Variants in SLCO1B3 observed in about 807,000 individuals in gnomAD.
The protein encoded by SLCO1B3 is liver-specific organic anion transporter 2.
A neutral mutation model predicts 71.8 loss-of-function variants in SLCO1B3; 72 were observed. The observed-to-expected ratio is 1.00, with a 90% CI of 0.83 to 1.22. SLCO1B3 has a LOEUF of 1.22. Among genes scored for constraint, SLCO1B3 ranks in the 50% most tolerant of loss-of-function variants. SLCO1B3 has a pLI of 0.00. For missense variants in SLCO1B3, 911 were observed against 819.7 expected, an observed-to-expected ratio of 1.11 and a Z score of -1.36; for synonymous variants, 298 against 278.4, an observed-to-expected ratio of 1.07 and a Z score of -0.70.
chr12:20,847,747 A>G (rs1050463950), intron 3 of SLCO1B3, among the ~76,000 whole-genome samples: 4 of 152,000 alleles, frequency 2.6e-5, no homozygotes. Flanking sequence ...AGGACCTGTC[A>G]TATACCATCA....
intron 8 of SLCO1B3, among the ~76,000 whole-genome samples, 171 bp downstream of exon 8, chr12:20,863,025 AT>A (rs1260696492): frequency 1.3e-5 from 2 of 152,218 alleles, no homozygotes; most frequent in Non-Finnish European, 2.9e-5. Context: ...TTTAGCTCCT[AT>A]TTATACTTTG....
chr12:20,829,374 C>T (rs964621792), intron 3 of SLCO1B3, among the ~76,000 whole-genome samples: 32 of 152,206 alleles, frequency 2.1e-4, no homozygotes, highest in African/African-American at 6.8e-4. Flanking sequence ...ACCTTCCCTG[C>T]GGGAAGTGGG....
intron 15 of SLCO1B3, among the ~76,000 whole-genome samples, chr12:20,910,616 G>C (rs1344675570): frequency 6.6e-6 from 1 of 151,982 alleles, no homozygotes; most frequent in African/African-American, 2.4e-5. Context: ...ATATTTTAGT[G>C]CTTCTTTGAT....
Position 20,855,063 on chromosome 12 carries a change from T to TA in SLCO1B3, c.123dup (p.Ala42SerfsTer19). 6.2e-7 allele frequency: 1 copy of TA among 1,612,274 alleles called. No homozygotes were observed. The highest frequency in any genetic ancestry group is 8.5e-7 in the Non-Finnish European group (1 of 1,179,668). On this transcript the variant is annotated frameshift_variant, in exon 4 of 16. Transcript: ENST00000381545. LOFTEE classifies it high-confidence loss of function. The stretch of plus-strand genomic sequence containing the variant: ...CAGCCCTGTCATTCAGCTATATTGC[T>TA]AAAGCACTAGGTGGAATCATTATGA...
Position 20,913,955 on chromosome 12 carries a change from T to C in SLCO1B3, c.1866-2049T>C, listed in dbSNP as rs138495670. ...TTTGTTTGTTTGTTTGTTTTAGAGATGGGCAACTCTGTTGCCCAGTCTGGT... is the reference window on the plus strand; with the variant it reads ...TTTGTTTGTTTGTTTGTTTTAGAGACGGGCAACTCTGTTGCCCAGTCTGGT... On this transcript the variant is annotated intron_variant, in intron 15 of 15. Transcript: ENST00000381545. 1.8e-4 allele frequency among the ~76,000 whole-genome samples: 27 copies of C among 152,216 alleles called. No homozygotes were observed. In the East Asian group the frequency reaches 5.2e-3, roughly 29 times the overall value.
intron 15 of SLCO1B3, among the ~76,000 whole-genome samples, chr12:20,905,775 A>G (rs532900313): frequency 5.3e-5 from 8 of 152,312 alleles, no homozygotes; most frequent in South Asian, 4.1e-4. Context: ...GGAAGTTTCA[A>G]TCTTTCCCAC....
At chr12:20,896,237 T>C (rs566996299) in intron 13 of SLCO1B3, among the ~76,000 whole-genome samples, 4 of 151,958 alleles carry the variant, frequency 2.6e-5, no homozygotes, top group Non-Finnish European at 4.4e-5. Context: ...TTCAAATTTC[T>C]GCAGCCAGCT....
At chr12:20,901,662 A>G (rs1230178037) in intron 15 of SLCO1B3, among the ~76,000 whole-genome samples, 195 bp downstream of exon 15, 1 of 152,206 alleles carries the variant, frequency 6.6e-6, no homozygotes, top group Non-Finnish European at 1.5e-5. Context: ...AAATGTATAT[A>G]TTCCTCCTTT....
In SLCO1B3 at chr12:20,877,755, T is replaced by C; in HGVS notation, c.971-17T>C. On this transcript the variant is annotated splice_polypyrimidine_tract_variant and intron_variant, in intron 9 of 15. Transcript: ENST00000381545. The stretch of plus-strand genomic sequence containing the variant: ...TATATTTTATTATTGAAATATGTTA[T>C]TTTTATAACTCTATAGGTTTTTTCC... 1 of 1,188,690 alleles carries C rather than the reference T, an allele frequency of 8.4e-7. No homozygotes were observed. Among genetic ancestry groups the C allele is most frequent in the Non-Finnish European group, 1.1e-6 (1 of 891,494 alleles). The allele number at this position is 1,188,690 out of a possible 1,614,324, so 73.6% of individuals were successfully genotyped here.
intron 2 of SLCO1B3, 27 bp downstream of exon 2, chr12:20,813,665 A>C (rs753389367): frequency 6.6e-6 from 1 of 152,208 alleles, no homozygotes; most frequent in Non-Finnish European, 1.5e-5. Context: ...CATGAACTAC[A>C]GTGCTATTGG....
At chr12:20,841,513 A>T (rs540400815) in intron 3 of SLCO1B3, among the ~76,000 whole-genome samples, 7 of 69,734 alleles carry the variant, frequency 1.0e-4, no homozygotes, top group African/African-American at 1.2e-4. Context: ...CCATAATTGC[A>T]CTGTGGCAGA....
intron 3 of SLCO1B3, among the ~76,000 whole-genome samples, chr12:20,838,204 CT>C (rs979702789): frequency 1.3e-5 from 2 of 150,990 alleles, no homozygotes; most frequent in Admixed American, 6.6e-5. Context: ...ATTTGTATAC[CT>C]TTTTTTAACC....
At chr12:20,866,260 T>A (rs545053384) in intron 8 of SLCO1B3, among the ~76,000 whole-genome samples, 1 of 152,144 alleles carries the variant, frequency 6.6e-6, no homozygotes, top group South Asian at 2.1e-4. Flanking sequence ...TCAATATAAA[T>A]GCATCCAGTA....
intron 3 of SLCO1B3, among the ~76,000 whole-genome samples, chr12:20,829,776 C>A (rs12320229): frequency 0.044 from 6,735 of 152,188 alleles, 398 homozygotes; most frequent in African/African-American, 0.13. Context: ...ATGGTTATTT[C>A]TTGATGATAT....
chr12:20,814,091 C>T (rs1344504985), intron 2 of SLCO1B3, among the ~76,000 whole-genome samples: 1 of 152,066 alleles, frequency 6.6e-6, no homozygotes, highest in African/African-American at 2.4e-5. Context: ...ATATACATAA[C>T]ATATACCTAT....
intron 13 of SLCO1B3, among the ~76,000 whole-genome samples, chr12:20,884,362 T>G (rs1489754595): frequency 6.6e-6 from 1 of 152,032 alleles, no homozygotes; most frequent in Non-Finnish European, 1.5e-5. Context: ...AGTAAGGGGA[T>G]GTGAGGGGAA....
chr12:20,827,034 G>T (rs2121113542), intron 3 of SLCO1B3, among the ~76,000 whole-genome samples: 1 of 152,012 alleles, frequency 6.6e-6, no homozygotes, highest in South Asian at 2.1e-4. Flanking sequence ...GAACCTTAAG[G>T]TTAAATAACT....
intron 3 of SLCO1B3, among the ~76,000 whole-genome samples, chr12:20,845,610 G>GA (rs886675383): frequency 1.4e-4 from 16 of 112,342 alleles, no homozygotes; most frequent in East Asian, 5.2e-4. Flanking sequence ...GCCTGAATAT[G>GA]AAAAAAAAAA....
At chr12:20,850,566 G>A (rs1296543761) in intron 3 of SLCO1B3, among the ~76,000 whole-genome samples, 2 of 152,152 alleles carry the variant, frequency 1.3e-5, no homozygotes, top group African/African-American at 4.8e-5. Flanking sequence ...ATAGGCGTAA[G>A]CCACCATGCC....
Sources: gnomAD v4.1 joint callset for allele counts (sites outside exome capture counted in the v4.1 genomes callset) on GRCh38, gnomAD v4.1.1 for gene constraint, MANE v1.5 for transcripts, NCBI Gene and HGNC (gene_info 2026-07-23, HGNC 2026-07-21) for gene names.